Variants in ANKFY1 observed in about 807,000 individuals in gnomAD.
The protein encoded by ANKFY1 is ankyrin repeat and FYVE domain containing 1.
A neutral mutation model predicts 128.3 loss-of-function variants in ANKFY1; 47 were observed. The observed-to-expected ratio is 0.37, with a 90% CI of 0.29 to 0.47. The LOEUF (loss-of-function observed/expected upper bound fraction) is 0.47. ANKFY1 is among the 20% of genes least tolerant of loss of function. The pLI, the probability that ANKFY1 is intolerant of heterozygous loss-of-function variation, is 1.00. For synonymous variants in ANKFY1, 553 were observed against 601.6 expected (o/e 0.92, Z 1.18); for missense variants, 1,222 against 1,510.6 (o/e 0.81, Z 3.17).
intron 7 of ANKFY1, among the ~76,000 whole-genome samples, chr17:4,201,331 C>G (rs1374660206): frequency 3.9e-5 from 6 of 152,222 alleles, no homozygotes; most frequent in Non-Finnish European, 8.8e-5. Flanking sequence ...TGCGCCCAGG[C>G]CGATTGTCTC....
chr17:4,241,605 G>A (rs1967230246), intron 2 of ANKFY1, among the ~76,000 whole-genome samples: 1 of 151,828 alleles, frequency 6.6e-6, no homozygotes, highest in Non-Finnish European at 1.5e-5. Context: ...TATGACTCCA[G>A]AGTTCAACCT....
rs2059276425 is a variant in ANKFY1, at chr17:4,169,530, T to G, written c.3287-242A>C. 6.6e-6 allele frequency among the ~76,000 whole-genome samples: 1 copy of G among 151,966 alleles called. No homozygotes were observed. The highest frequency in any genetic ancestry group is 6.5e-5 in the Admixed American group (1 of 15,272). On this transcript the variant is annotated intron_variant, in intron 23 of 24. Transcript: ENST00000341657. The surrounding 1 kb of genome is among the most constrained non-coding windows in gnomAD (Gnocchi z 5.0). ...CGGTGGTCAACGAGGTGAACCAGTG[T>G]GATGTCTGTGGGGGAAACACGTAGT...
intron 1 of ANKFY1, among the ~76,000 whole-genome samples, chr17:4,256,839 C>T (rs771825628): frequency 1.3e-5 from 2 of 152,118 alleles, no homozygotes; most frequent in South Asian, 2.1e-4. Flanking sequence ...CTGCTAGGTT[C>T]GTCTGCCTCA....
In ANKFY1 at chr17:4,182,853, C is replaced by T. The variant is rs190117552; in HGVS notation, c.1953-504G>A. Among the ~76,000 whole-genome samples, 455 of 152,230 alleles carry T rather than the reference C, an allele frequency of 3.0e-3. 2 individuals are homozygous for T. Among genetic ancestry groups the T allele is most frequent in the Admixed American group, 8.0e-3 (122 of 15,298 alleles). On this transcript the variant is annotated intron_variant, in intron 14 of 24. Transcript: ENST00000341657. The stretch of plus-strand genomic sequence containing the variant: ...GGCCGCAGTGGCTCATGACTGTAAT[C>T]CCAGCACTTTGGGAGGCCGAGGCAG...
At chr17:4,209,688 A>C in intron 5 of ANKFY1, 136 bp downstream of exon 5, 1 of 1,016,064 alleles carries the variant, frequency 9.8e-7, no homozygotes, top group Admixed American at 2.5e-5. Context: ...TCATCTAATC[A>C]AACTATTTAT....
intron 16 of ANKFY1, among the ~76,000 whole-genome samples, chr17:4,180,701 G>A (rs561667722): frequency 1.4e-5 from 2 of 138,990 alleles, no homozygotes; most frequent in African/African-American, 5.3e-5. Flanking sequence ...AGTTTGCAGT[G>A]AGCCAACCAA....
At chr17:4,242,122 T>A (rs941078246) in intron 2 of ANKFY1, 134 bp downstream of exon 2, 1 of 935,154 alleles carries the variant, frequency 1.1e-6, no homozygotes, top group East Asian at 3.0e-5. Flanking sequence ...CTCAAGGAGC[T>A]TCTATTCTAG....
intron 10 of ANKFY1, 23 bp downstream of exon 10, chr17:4,194,955 C>G (rs545281640): frequency 6.2e-7 from 1 of 1,614,068 alleles, no homozygotes; most frequent in East Asian, 2.2e-5. Context: ...CAGCGTCGCC[C>G]CTTCGGGAGG....
At chr17:4,254,064 G>A (rs1967984213) in intron 1 of ANKFY1, among the ~76,000 whole-genome samples, 1 of 152,134 alleles carries the variant, frequency 6.6e-6, no homozygotes, top group African/African-American at 2.4e-5. Flanking sequence ...CCAGCACTTT[G>A]AGAAGCCAAG....
At chr17:4,224,838 G>T (rs1349439832) in intron 3 of ANKFY1, among the ~76,000 whole-genome samples, 2 of 152,054 alleles carry the variant, frequency 1.3e-5, no homozygotes, top group South Asian at 2.1e-4. Flanking sequence ...TCTGGAAAAG[G>T]AGACAATACA....
intron 3 of ANKFY1, among the ~76,000 whole-genome samples, chr17:4,219,662 C>T (rs1399827420): frequency 6.6e-6 from 1 of 151,688 alleles, no homozygotes; most frequent in Non-Finnish European, 1.5e-5. Flanking sequence ...CCCCGACTTA[C>T]CTGCAACCAG....
At chr17:4,260,146 T>C (rs1968332367) in intron 1 of ANKFY1, among the ~76,000 whole-genome samples, 1 of 152,010 alleles carries the variant, frequency 6.6e-6, no homozygotes, top group African/African-American at 2.4e-5. Flanking sequence ...TACGGAGAAG[T>C]GTGAGAGTTG....
chr17:4,202,173 C>T (rs1195065406), intron 7 of ANKFY1, among the ~76,000 whole-genome samples: 3 of 151,814 alleles, frequency 2.0e-5, no homozygotes, highest in Non-Finnish European at 4.4e-5. Context: ...GAGGCCGAGG[C>T]GGGCATTTCA....
chr17:4,178,790 T>C lies in ANKFY1; in HGVS notation c.2598+67A>G, dbSNP rs1260739862. 3 of 1,464,840 alleles carry C rather than the reference T, an allele frequency of 2.0e-6. No homozygotes were observed. In the African/African-American group the frequency reaches 4.2e-5, roughly 20 times the overall value. 90.7% of individuals were successfully genotyped at this position (1,464,840 alleles called of 1,614,324 possible). On this transcript the variant is annotated intron_variant, in intron 18 of 24. Coordinates refer to ENST00000341657, the MANE Select transcript of ANKFY1 (RefSeq NM_001330063.2). The surrounding 1 kb of genome is among the most constrained non-coding windows in gnomAD (Gnocchi z 4.1). ...GAGGAGACCTGTTTAGTCGGTGACA[T>C]CTGTCTAGTCTCCAGGTTCCGCGAC... is the stretch of plus-strand genomic sequence containing the variant.
In ANKFY1 at chr17:4,178,522, G is replaced by A. The variant is rs2059449977; in HGVS notation, c.2598+335C>T. 1.3e-5 allele frequency: 4 copies of A among 303,372 alleles called. No homozygotes were observed. The highest frequency in any genetic ancestry group is 6.3e-5 in the African/African-American group (3 of 47,492). 18.8% of individuals were successfully genotyped at this position (303,372 alleles called of 1,614,324 possible). A position where few individuals can be genotyped will look rare whatever the true frequency, so the allele number is the denominator to read the frequency against. On this transcript the variant is annotated intron_variant, in intron 18 of 24. Transcript: ENST00000341657. The surrounding 1 kb of genome is among the most constrained non-coding windows in gnomAD (Gnocchi z 4.1). ...AAGTTGCCCCAACATCACAACACAA[G>A]CTCTTTCAAAGACACTCCTCACTAG...
At chr17:4,206,548 C>A in intron 6 of ANKFY1, 62 bp from the exon 7 acceptor site, 1 of 1,483,456 alleles carries the variant, frequency 6.7e-7, no homozygotes. Context: ...ATTTTAATTT[C>A]TCCCACCTTG....
At chr17:4,247,174 CTCTA>C (rs1462811390) in intron 1 of ANKFY1, among the ~76,000 whole-genome samples, 1 of 151,948 alleles carries the variant, frequency 6.6e-6, no homozygotes, top group East Asian at 1.9e-4. Flanking sequence ...TTGCTGATTC[CTCTA>C]TCTAAGCCTT....
At position 4,179,726 on chromosome 17, in the gene ANKFY1, C is replaced by T. The variant is rs1405815867; in HGVS notation, c.2392G>A (p.Ala798Thr). ...GGAAAAGAGAAACGACACACCTGTG[C>T]GTTCACGTTGGCACCAAACTCCAGA... ...CLLEFGANVN[A>T]QDAEGRTPIH... The change falls in exon 17 of 25, where the codon GCA (alanine) becomes ACA (threonine). Residue 798 changes from alanine (A) to threonine (T), a missense_variant. By Grantham distance (58) the Ala-to-Thr change is moderately conservative. Transcript: ENST00000341657. 10 of 1,613,962 alleles carry T rather than the reference C, an allele frequency of 6.2e-6. No individual in the cohort carries two copies. In the South Asian group the frequency reaches 8.8e-5, roughly 14 times the overall value.
chr17:4,239,455 G>A lies in ANKFY1; in HGVS notation c.203+2801C>T, dbSNP rs147363261. 8.6e-3 allele frequency among the ~76,000 whole-genome samples: 1,314 copies of A among 152,258 alleles called. 20 individuals carry two copies. Among genetic ancestry groups the A allele is most frequent in the African/African-American group, 0.03 (1,262 of 41,544 alleles). On this transcript the variant is annotated intron_variant, in intron 2 of 24. Transcript: ENST00000341657. ...TCAGAATATATACTTCCTTTTTTATGTAATAGATTATTCTTTTATTTAGAA... is the reference window on the plus strand; with the variant it reads ...TCAGAATATATACTTCCTTTTTTATATAATAGATTATTCTTTTATTTAGAA...
Sources: gnomAD v4.1 joint callset for allele counts (sites outside exome capture counted in the v4.1 genomes callset) on GRCh38, gnomAD v4.1.1 for gene constraint, Gnocchi (gnomAD v3.1) non-coding constraint, MANE v1.5 for transcripts, NCBI Gene and HGNC (gene_info 2026-07-23, HGNC 2026-07-21) for gene names.